The following EIF3A variants were observed in gnomAD, a reference collection of about 807,000 sequenced individuals.
EIF3A encodes eukaryotic translation initiation factor 3 subunit A.
A neutral mutation model predicts 186.6 loss-of-function variants in EIF3A; 21 were observed. The observed-to-expected ratio is 0.11, with a 90% CI of 0.08 to 0.16. The LOEUF (loss-of-function observed/expected upper bound fraction) is 0.16. Among genes scored for constraint, EIF3A ranks in the 10% least tolerant of loss-of-function variants. EIF3A has a pLI of 1.00. For missense variants in EIF3A, 1,306 were observed against 1,796.3 expected (o/e 0.73, Z 4.93); for synonymous variants, 563 against 584.3 (o/e 0.96, Z 0.52).
At chr10:119,065,615 C>T in intron 6 of EIF3A, 45 bp from the exon 7 acceptor site, 1 of 1,409,306 alleles carries the variant, frequency 7.1e-7, no homozygotes, top group Non-Finnish European at 9.9e-7. Flanking sequence ...GTAAATGATA[C>T]TTGGTAAGCA....
At chr10:119,062,335 A>G (rs1443189730) in intron 7 of EIF3A, among the ~76,000 whole-genome samples, 3 of 152,342 alleles carry the variant, frequency 2.0e-5, no homozygotes, top group South Asian at 2.1e-4. Context: ...ACTAAAATAC[A>G]TGATTGGTTT....
intron 17 of EIF3A, among the ~76,000 whole-genome samples, chr10:119,045,629 TAAAC>T (rs1319378606): frequency 6.6e-6 from 1 of 152,166 alleles, no homozygotes; most frequent in African/African-American, 2.4e-5. Context: ...TTATAGCCAT[TAAAC>T]AAACAAAAAG....
At chr10:119,051,350 A>G in intron 14 of EIF3A, 29 bp from the exon 15 acceptor site, 1 of 1,546,636 alleles carries the variant, frequency 6.5e-7, no homozygotes, top group Non-Finnish European at 8.7e-7. Context: ...TGAAATTTCA[A>G]TGCACTTTTT....
rs1848218969 is a variant in EIF3A, at chr10:119,042,278, C to T, written c.3242G>A (p.Arg1081Gln). The stretch of plus-strand genomic sequence containing the variant: ...GGGACCCCGGTCATCATCCATGCCT[C>T]GCCTGGGACCCCGATCATCATCCAA... The part of the protein sequence containing the change: ...RGLDDDRGPR[R>Q]GMDDDRGPRR... Residue 1081 changes from arginine (R) to glutamine (Q), a missense_variant, in exon 19 of 22, where the codon CGA (arginine) becomes CAA (glutamine). Arg to Gln is a conservative substitution (Grantham distance 43, BLOSUM62 1). Around this residue, in one of 8 missense-constraint regions of EIF3A, gnomAD observed 27 missense variants for 64.8 expected, o/e 0.42. Coordinates refer to ENST00000369144, the MANE Select transcript of EIF3A (RefSeq NM_003750.4). The surrounding 1 kb of genome is among the most constrained non-coding windows in gnomAD (Gnocchi z 7.8). The T allele has an allele frequency of 6.2e-7, 1 of 1,613,128 alleles. No individual in the cohort carries two copies. The highest frequency in any genetic ancestry group is 8.5e-7 in the Non-Finnish European group (1 of 1,179,740).
chr10:119,050,011 T>A, intron 16 of EIF3A, 26 bp from the exon 17 acceptor site: 1 of 1,607,620 alleles, frequency 6.2e-7, no homozygotes. Context: ...GGTTACTAAG[T>A]GTGCCTCCCA....
chr10:119,051,124 TTTG>T (rs1327123360), intron 15 of EIF3A, 72 bp downstream of exon 15: 1 of 1,324,346 alleles, frequency 7.6e-7, no homozygotes, highest in Non-Finnish European at 1.0e-6. Context: ...AATATACCAA[TTTG>T]TTAAGGGAGA....
chr10:119,044,071 T>C lies in EIF3A; in HGVS notation c.2730A>G (p.Arg910=), dbSNP rs747698576. The part of the protein sequence containing the change: ...RKGPEADSEW[R]RGPPEKEWRR... The stretch of plus-strand genomic sequence containing the variant: ...CTACTTACTTCTCTGGCGGGCCTCT[T>C]CTCCACTCAGAATCTGCTTCAGGTC... Residue 910 remains arginine, a synonymous_variant, in exon 18 of 22, where the codon AGA becomes AGG. Coordinates refer to ENST00000369144, the MANE Select transcript of EIF3A (RefSeq NM_003750.4). The C allele has an allele frequency of 1.2e-6, 2 of 1,613,734 alleles. No individual in the cohort carries two copies. The highest frequency in any genetic ancestry group is 1.1e-5 in the South Asian group (1 of 91,062).
intron 9 of EIF3A, 110 bp from the exon 10 acceptor site, chr10:119,059,828 T>C: frequency 2.6e-6 from 2 of 774,778 alleles, no homozygotes; most frequent in Non-Finnish European, 4.6e-6. Context: ...AGAATTTATG[T>C]TAGCAGTACA....
intron 17 of EIF3A, among the ~76,000 whole-genome samples, chr10:119,049,288 T>C (rs1236720498): frequency 6.6e-6 from 1 of 152,106 alleles, no homozygotes; most frequent in East Asian, 1.9e-4. Flanking sequence ...GGTGAAACCA[T>C]ATTTCTAATT....
intron 1 of EIF3A, among the ~76,000 whole-genome samples, chr10:119,079,226 T>C (rs1320297142): frequency 6.6e-6 from 1 of 152,220 alleles, no homozygotes; most frequent in African/African-American, 2.4e-5. Flanking sequence ...CTCACATCTA[T>C]GTTGTAGTTT....
rs913195239 is a variant in EIF3A at position 119,034,532 on chromosome 10, C to A, written c.*1507G>T. On this transcript the variant is annotated 3_prime_UTR_variant, in exon 22 of 22. Coordinates refer to ENST00000369144, the MANE Select transcript of EIF3A (RefSeq NM_003750.4). ...CACGAAAGACCTTTAAAGACTTCTA[C>A]GTATTTGAAATACCAGATACTAAGG... 1.3e-5 allele frequency: 2 copies of A among 152,138 alleles called. No individual in the cohort carries two copies. Among genetic ancestry groups the A allele is most frequent in the Non-Finnish European group, 2.9e-5 (2 of 68,028 alleles). The allele number at this position is 152,138 out of a possible 1,614,324, so 9.4% of individuals were successfully genotyped here. A position where few individuals can be genotyped will look rare whatever the true frequency, so the allele number is the denominator to read the frequency against.
rs1390951757 is a variant in EIF3A at position 119,046,212 on chromosome 10, AG to A, written c.2659-2071del. Among the ~76,000 whole-genome samples the A allele has an allele frequency of 8.5e-4, 129 of 152,358 alleles. 2 individuals carry two copies. The highest frequency in any genetic ancestry group is 8.4e-3 in the Admixed American group (128 of 15,302). On this transcript the variant is annotated intron_variant, in intron 17 of 21. Transcript: ENST00000369144. The stretch of plus-strand genomic sequence containing the variant: ...AAATTCTGTTTCCGAGGAATGAAAC[AG>A]TATCTACAGAGTAAGACCAAAATCC...
chr10:119,055,947 A>G (rs1308860845), intron 14 of EIF3A, among the ~76,000 whole-genome samples: 1 of 152,164 alleles, frequency 6.6e-6, no homozygotes, highest in Non-Finnish European at 1.5e-5. Flanking sequence ...TTTACATGTT[A>G]AGAGAATTAT....
chr10:119,077,771 T>C (rs34437832), intron 1 of EIF3A, among the ~76,000 whole-genome samples: 10,890 of 152,024 alleles, frequency 0.072, 415 homozygotes, highest in Middle Eastern at 0.17. Flanking sequence ...GTGAGGATGG[T>C]CTTGATCTCC....
intron 9 of EIF3A, 133 bp from the exon 10 acceptor site, chr10:119,059,851 G>T: frequency 7.3e-6 from 5 of 682,938 alleles, no homozygotes; most frequent in Non-Finnish European, 2.7e-6. Flanking sequence ...GTTAAAGCCA[G>T]AATGCTAATC....
intron 1 of EIF3A, among the ~76,000 whole-genome samples, chr10:119,080,138 C>A (rs1844239044): frequency 6.6e-6 from 1 of 152,304 alleles, no homozygotes; most frequent in East Asian, 1.9e-4. Flanking sequence ...TGCGGGAAGG[C>A]CGGGGGTGGG....
rs971645475 is a variant in EIF3A at position 119,065,538 on chromosome 10, G to C, written c.983C>G (p.Ser328Cys). 2 of 1,612,816 alleles carry C rather than the reference G, an allele frequency of 1.2e-6. No individual in the cohort carries two copies. The highest frequency in any genetic ancestry group is 1.3e-5 in the African/African-American group (1 of 74,880). The change falls in exon 7 of 22, where the codon TCC (serine) becomes TGC (cysteine). Residue 328 changes from serine to cysteine, a missense_variant. Ser to Cys is a moderately radical substitution (Grantham distance 112, BLOSUM62 -1). Around this residue, in one of 8 missense-constraint regions of EIF3A, gnomAD observed 267 missense variants for 367.8 expected, o/e 0.73. Transcript: ENST00000369144. ...CGTACGCTCAGGAGTAATAGGGATGGAAAGAGTGGCTAAAAGGACTCTAGT... is the reference window on the plus strand; with the variant it reads ...CGTACGCTCAGGAGTAATAGGGATGCAAAGAGTGGCTAAAAGGACTCTAGT... ...MSTRVLLATL[S>C]IPITPERTDI...
chr10:119,068,272 T>C (rs1311535431), intron 6 of EIF3A, among the ~76,000 whole-genome samples: 1 of 152,234 alleles, frequency 6.6e-6, no homozygotes, highest in East Asian at 1.9e-4. Flanking sequence ...CTATAGGTTG[T>C]TGGGTTATAG....
rs1340493607 is a variant in EIF3A, at chr10:119,057,054, C to A, written c.1978-14G>T. On this transcript the variant is annotated splice_polypyrimidine_tract_variant and intron_variant, in intron 12 of 21. Coordinates refer to ENST00000369144, the MANE Select transcript of EIF3A (RefSeq NM_003750.4). ...TTCCTCAAGGTCCTGAAAGGTAATA[C>A]AAATGCACAATTGTTAATAAAGAGA... 6.8e-7 allele frequency: 1 copy of A among 1,476,832 alleles called. No individual in the cohort carries two copies. The highest frequency in any genetic ancestry group is 1.4e-5 in the African/African-American group (1 of 71,236). 91.5% of individuals were successfully genotyped at this position (1,476,832 alleles called of 1,614,324 possible). A position where few individuals can be genotyped will look rare whatever the true frequency, so the allele number is the denominator to read the frequency against.
Sources: gnomAD v4.1 joint callset for allele counts (sites outside exome capture counted in the v4.1 genomes callset) on GRCh38, gnomAD v4.1.1 for gene constraint, gnomAD v4.1.1 regional missense constraint, Gnocchi (gnomAD v3.1) non-coding constraint, MANE v1.5 for transcripts, NCBI Gene and HGNC (gene_info 2026-07-23, HGNC 2026-07-21) for gene names.